PRDM15: variants seen among roughly 807,000 people sequenced by gnomAD.
The protein encoded by PRDM15 is PR/SET domain 15, also known as PR domain zinc finger protein 15.
A neutral mutation model predicts 128.6 loss-of-function variants in PRDM15; 64 were observed. The observed-to-expected ratio is 0.50, with a 90% CI of 0.41 to 0.61. The LOEUF is 0.61. Among genes scored for constraint, PRDM15 ranks in the 20% least tolerant of loss-of-function variants. The pLI, the probability that PRDM15 is intolerant of heterozygous loss-of-function variation, is 0.00. For synonymous variants in PRDM15, 615 were observed against 621.8 expected (o/e 0.99, Z 0.16); for missense variants, 1,242 against 1,569.1 (o/e 0.79, Z 3.52).
chr21:41,819,480 CA>C, intron 18 of PRDM15, 101 bp downstream of exon 18: 1 of 1,131,590 alleles, frequency 8.8e-7, no homozygotes, highest in Non-Finnish European at 1.2e-6. Flanking sequence ...CCGCCACACC[CA>C]CCTTCCCCAC....
intron 18 of PRDM15, 35 bp downstream of exon 18, chr21:41,819,547 T>TGAGCCTGGCC: frequency 6.5e-7 from 1 of 1,540,012 alleles, no homozygotes; most frequent in Non-Finnish European, 8.8e-7. Flanking sequence ...GTGGCCTGGC[T>TGAGCCTGGCC]GAGCCTGGCC....
intron 1 of PRDM15, among the ~76,000 whole-genome samples, chr21:41,866,489 C>T: frequency 6.6e-6 from 1 of 152,236 alleles, no homozygotes; most frequent in Non-Finnish European, 1.5e-5. Flanking sequence ...CCTGGTCTGG[C>T]TTTGGCCAGG....
At chr21:41,826,598 G>A (rs2062480972) in intron 12 of PRDM15, among the ~76,000 whole-genome samples, 1 of 152,188 alleles carries the variant, frequency 6.6e-6, no homozygotes, top group African/African-American at 2.4e-5. Flanking sequence ...ACTTTTAAAT[G>A]TTCATGCAAA....
chr21:41,834,761 C>T (rs763646990), intron 11 of PRDM15, among the ~76,000 whole-genome samples: 7 of 152,202 alleles, frequency 4.6e-5, no homozygotes, highest in Admixed American at 1.3e-4. Context: ...GCCGGCAGGA[C>T]GGCCTTGGCT....
chr21:41,819,458 C>T (rs1489477009), intron 18 of PRDM15, 124 bp downstream of exon 18: 8 of 988,238 alleles, frequency 8.1e-6, no homozygotes, highest in South Asian at 3.2e-5. Flanking sequence ...CCCGTGGCCC[C>T]GGCCCCCGCC....
intron 6 of PRDM15, among the ~76,000 whole-genome samples, chr21:41,843,462 C>A (rs969087926): frequency 6.6e-6 from 1 of 152,194 alleles, no homozygotes; most frequent in African/African-American, 2.4e-5. Context: ...TTGTATCCTA[C>A]ACGCAGAGGA....
rs1390027456 is a variant in PRDM15 at position 41,862,939 on chromosome 21, A to T, written c.-9-2567T>A. Among the ~76,000 whole-genome samples the T allele has an allele frequency of 6.6e-6, 1 of 151,984 alleles. No homozygotes were observed. Among genetic ancestry groups the T allele is most frequent in the African/African-American group, 2.4e-5 (1 of 41,380 alleles). On this transcript the variant is annotated intron_variant, in intron 1 of 23. Transcript: ENST00000398548. This position sits in a 1 kb window ranked among gnomAD's most constrained non-coding sequence, Gnocchi z 4.1. ...AATCCCAGCACTTTCAGAGATGAGG[A>T]CGGGCGATCACTTCAGGTCAGGAGT...
Position 41,822,023 on chromosome 21 carries a change from C to T in PRDM15, c.1776G>A (p.Met592Ile). 1 of 1,614,114 alleles carries T rather than the reference C, an allele frequency of 6.2e-7. No individual in the cohort carries two copies. Among genetic ancestry groups the T allele is most frequent in the Non-Finnish European group, 8.5e-7 (1 of 1,180,048 alleles). Residue 592 changes from methionine (M) to isoleucine (I), a missense_variant, in exon 15 of 24, where the codon ATG becomes ATA. By Grantham distance (10) the Met-to-Ile change is conservative. Transcript: ENST00000398548. ...IHVHFKDIALMDDHQREEFIG... is the reference protein window; with the variant it reads ...IHVHFKDIALIDDHQREEFIG... ...TAAACTCTTCCCTCTGGTGGTCATC[C>T]ATCAACGCGATGTCCTGGAAAACAG... is the stretch of plus-strand genomic sequence containing the variant.
intron 1 of PRDM15, 79 bp from the exon 2 acceptor site, chr21:41,860,451 C>A: frequency 8.0e-7 from 1 of 1,250,914 alleles, no homozygotes; most frequent in East Asian, 2.3e-5. Flanking sequence ...ATTGAGCTCC[C>A]TCTGTTGCCC....
chr21:41,836,360 G>T, intron 9 of PRDM15, 108 bp downstream of exon 9: 4 of 1,328,090 alleles, frequency 3.0e-6, no homozygotes, highest in Non-Finnish European at 4.2e-6. Flanking sequence ...TCTCACTGGC[G>T]CAGCTCGTGG....
In PRDM15 at chr21:41,854,387, G is replaced by A. The variant is rs929789187; in HGVS notation, c.538+179C>T. ...CATCCACGTGCCCAAACTGACCAAG[G>A]ATGTTTAAAACAAGCAGAAAGACAG... On this transcript the variant is annotated intron_variant, in intron 5 of 23. Transcript: ENST00000398548. This position sits in a 1 kb window ranked among gnomAD's most constrained non-coding sequence, Gnocchi z 4.6. Among the ~76,000 whole-genome samples the A allele has an allele frequency of 6.6e-6, 1 of 152,070 alleles. No individual in the cohort carries two copies. The highest frequency in any genetic ancestry group is 2.4e-5 in the African/African-American group (1 of 41,406).
chr21:41,803,177 T>A, intron 22 of PRDM15: 1 of 533,080 alleles, frequency 1.9e-6, no homozygotes, highest in Non-Finnish European at 3.4e-6. Flanking sequence ...TGCTAAAATG[T>A]AAACACTTCT....
intron 18 of PRDM15, among the ~76,000 whole-genome samples, 193 bp downstream of exon 18, chr21:41,819,389 C>A (rs572933597): frequency 1.3e-5 from 2 of 151,364 alleles, no homozygotes; most frequent in Admixed American, 6.6e-5. Context: ...AGCAGCTGAG[C>A]GGCCTGGCTG....
intron 21 of PRDM15, among the ~76,000 whole-genome samples, chr21:41,804,928 C>T (rs569233661): frequency 1.3e-5 from 2 of 152,330 alleles, no homozygotes; most frequent in Middle Eastern, 3.4e-3. Flanking sequence ...GTTTCAGTGG[C>T]GCTTCTGTTA....
intron 1 of PRDM15, among the ~76,000 whole-genome samples, chr21:41,867,101 A>G (rs2064035421): frequency 6.6e-6 from 1 of 152,140 alleles, no homozygotes; most frequent in African/African-American, 2.4e-5. Flanking sequence ...GAGCTCTGAG[A>G]TGTGGGGAGA....
intron 18 of PRDM15, among the ~76,000 whole-genome samples, 181 bp downstream of exon 18, chr21:41,819,401 G>A (rs912091025): frequency 6.7e-6 from 1 of 148,266 alleles, no homozygotes; most frequent in Non-Finnish European, 1.5e-5. Context: ...GCCTGGCTGA[G>A]CCTGGCCCGT....
chr21:41,872,059 G>A (rs2064233796), intron 1 of PRDM15: 1 of 153,460 alleles, frequency 6.5e-6, no homozygotes, highest in Non-Finnish European at 1.5e-5. Context: ...ATAGTACAAG[G>A]TTTTCTTAAG....
intron 1 of PRDM15, chr21:41,871,790 C>T: frequency 1.5e-6 from 1 of 681,878 alleles, no homozygotes; most frequent in Admixed American, 3.0e-5. Flanking sequence ...TGCTGCGTTT[C>T]ATCACCTCTC....
At chr21:41,872,558 T>C (rs1351481639) in intron 1 of PRDM15, among the ~76,000 whole-genome samples, 1 of 152,234 alleles carries the variant, frequency 6.6e-6, no homozygotes, top group Non-Finnish European at 1.5e-5. Flanking sequence ...ACATAATCAG[T>C]TGTACCTATT....
Sources: gnomAD v4.1 joint callset for allele counts (sites outside exome capture counted in the v4.1 genomes callset) on GRCh38, gnomAD v4.1.1 for gene constraint, Gnocchi (gnomAD v3.1) non-coding constraint, MANE v1.5 for transcripts, NCBI Gene and HGNC (gene_info 2026-07-23, HGNC 2026-07-21) for gene names.